The following OPHN1 variants were observed in gnomAD, a reference collection of about 807,000 sequenced individuals.
The protein encoded by OPHN1 is oligophrenin 1, also known as oligophrenin-1.
OPHN1 carries 11 observed loss-of-function variants against 60.7 expected under a neutral mutation model. The ratio of observed to expected loss-of-function variants is 0.18; its 90% CI spans 0.11 to 0.30. The LOEUF (loss-of-function observed/expected upper bound fraction) is 0.30. Among genes scored for constraint, OPHN1 ranks in the 10% least tolerant of loss-of-function variants. The probability of loss-of-function intolerance (pLI) is 1.00; values close to 1 mark genes in which losing one functional copy is unlikely to be tolerated. For missense variants in OPHN1, 449 were observed against 611.0 expected (o/e 0.73, Z 2.80); for synonymous variants, 226 against 222.6 (o/e 1.02, Z -0.14).
rs971746600 is a variant in OPHN1, at chrX:68,347,419, G to A, written c.155-48323C>T. 5.4e-5 allele frequency among the ~76,000 whole-genome samples: 6 copies of A among 111,295 alleles called. No homozygotes were observed. In the Admixed American group the frequency reaches 5.8e-4, roughly 11 times the overall value. On this transcript the variant is annotated intron_variant, in intron 2 of 24. Coordinates refer to ENST00000355520, the MANE Select transcript of OPHN1 (RefSeq NM_002547.3). Reference sequence around the variant, plus strand: ...GCAGTATCAAATCTCATGGGCTCAAGCTATCCTCCAATCTCAGCCTCCTGA... The same window carrying A: ...GCAGTATCAAATCTCATGGGCTCAAACTATCCTCCAATCTCAGCCTCCTGA...
In OPHN1 at chrX:68,431,633, A is replaced by G. The variant is rs1019600716; in HGVS notation, c.154+1234T>C. On this transcript the variant is annotated intron_variant, in intron 2 of 24. Coordinates refer to ENST00000355520, the MANE Select transcript of OPHN1 (RefSeq NM_002547.3). ...AGTAGAGACAGGGTTTCACCATGTT[A>G]GCCAGGCTGGTCTCGAACTCCTGAT... Among the ~76,000 whole-genome samples the G allele has an allele frequency of 2.5e-4, 25 of 98,458 alleles. No homozygotes were observed. The East Asian group carries it at 8.0e-3, about 32-fold the overall frequency. 85.5% of individuals were successfully genotyped at this position (98,458 alleles called of 115,157 possible).
At chrX:68,386,903 G>A (rs1420055452) in intron 2 of OPHN1, among the ~76,000 whole-genome samples, 1 of 111,718 alleles carries the variant, frequency 9.0e-6, no homozygotes, top group Middle Eastern at 4.2e-3. Flanking sequence ...ACCAAAGAAG[G>A]AAGGAGAGGG....
rs773508976 is a variant in OPHN1 at position 68,073,240 on chromosome X, T to TGTC, written c.1743_1745dup (p.Thr582dup). ...TCGTGATTGGTTTGTGCCTTCTTGCTGTCACCCGAGGCGGAGGCACTGGCG... is the reference window on the plus strand; with the variant it reads ...TCGTGATTGGTTTGTGCCTTCTTGCTGTCGTCACCCGAGGCGGAGGCACTGGCG... On this transcript the variant is annotated inframe_insertion, in exon 20 of 25. Coordinates refer to ENST00000355520, the MANE Select transcript of OPHN1 (RefSeq NM_002547.3). 3.7e-5 allele frequency: 45 copies of TGTC among 1,211,767 alleles called. 1 individual carries two copies. In the South Asian group the frequency reaches 7.7e-4, roughly 21 times the overall value.
At position 68,159,986 on chromosome X, in the gene OPHN1, G is replaced by A; in HGVS notation, c.1276+32933C>T. ...ATTAATCAAAAGGCACATATTTTCAGACTGGAAAATTAAAAAAAAAAACAA... is the reference window on the plus strand; with the variant it reads ...ATTAATCAAAAGGCACATATTTTCAAACTGGAAAATTAAAAAAAAAAACAA... On this transcript the variant is annotated intron_variant, in intron 15 of 24. Transcript: ENST00000355520. 4.0e-5 allele frequency among the ~76,000 whole-genome samples: 4 copies of A among 100,271 alleles called. 1 individual carries two copies. The Middle Eastern group carries it at 0.015, about 378-fold the overall frequency. 87.1% of individuals were successfully genotyped at this position (100,271 alleles called of 115,157 possible).
intron 5 of OPHN1, among the ~76,000 whole-genome samples, chrX:68,256,104 G>A (rs1232630934): frequency 9.0e-6 from 1 of 111,330 alleles, no homozygotes; most frequent in Non-Finnish European, 1.9e-5. Flanking sequence ...AGATTTTATG[G>A]TCCAGCTTGA....
rs775752043 is a variant in OPHN1, at chrX:68,096,833, G to A, written c.1686+37C>T. 4 of 1,191,874 alleles carry A rather than the reference G, an allele frequency of 3.4e-6. No individual in the cohort carries two copies. In the African/African-American group the frequency reaches 7.0e-5, roughly 21 times the overall value. On this transcript the variant is annotated intron_variant, in intron 19 of 24. Coordinates refer to ENST00000355520, the MANE Select transcript of OPHN1 (RefSeq NM_002547.3). ...AGGCAGTTGGGGGAAAGTGTCACAT[G>A]TTTGGAAGACAGGTAGTGAGAATAG...
chrX:68,206,527 C>T (rs1479447338), intron 10 of OPHN1, 46 bp downstream of exon 10: 3 of 912,959 alleles, frequency 3.3e-6, no homozygotes, highest in Middle Eastern at 2.7e-4. Context: ...TTCTGAGAAA[C>T]AGTCATAGAT....
chrX:68,178,286 T>C (rs1316731773), intron 15 of OPHN1, among the ~76,000 whole-genome samples: 3 of 112,234 alleles, frequency 2.7e-5, no homozygotes, highest in Admixed American at 9.4e-5. Context: ...AGGTGAAATG[T>C]ATACCTCCCC....
intron 15 of OPHN1, among the ~76,000 whole-genome samples, chrX:68,166,371 T>C (rs2077358407): frequency 9.1e-6 from 1 of 109,511 alleles, no homozygotes; most frequent in Non-Finnish European, 1.9e-5. Context: ...CCATCTCTAA[T>C]AAAAATACAG....
chrX:68,369,760 T>G (rs1300841640), intron 2 of OPHN1, among the ~76,000 whole-genome samples: 1 of 108,534 alleles, frequency 9.2e-6, no homozygotes, highest in East Asian at 2.9e-4. Context: ...AAAGAAATAA[T>G]GGCCAAAAAT....
At chrX:68,165,847 A>T (rs1305362836) in intron 15 of OPHN1, among the ~76,000 whole-genome samples, 7 of 112,663 alleles carry the variant, frequency 6.2e-5, no homozygotes, top group Non-Finnish European at 1.3e-4. Context: ...AAGATGGTGT[A>T]AACCAGGCAT....
intron 6 of OPHN1, among the ~76,000 whole-genome samples, chrX:68,215,730 G>A (rs2147487696): frequency 9.0e-6 from 1 of 111,447 alleles, no homozygotes; most frequent in South Asian, 3.7e-4. Flanking sequence ...ATTTGAAGGT[G>A]TTGAAAGAAA....
chrX:68,187,870 G>A (rs996160013), intron 15 of OPHN1, among the ~76,000 whole-genome samples: 20 of 111,826 alleles, frequency 1.8e-4, no homozygotes, highest in East Asian at 5.6e-4. Flanking sequence ...CTCGTGATCC[G>A]CCCGCCTTGG....
rs1262487192 is a variant in OPHN1 at position 68,096,790 on chromosome X, G to C, written c.1686+80C>G. On this transcript the variant is annotated intron_variant, in intron 19 of 24. Transcript: ENST00000355520. The stretch of plus-strand genomic sequence containing the variant: ...TTTCACTGTCAACGTGAGCCAAGGA[G>C]GAAGACACAGCACTAAAAGGCAGTT... The C allele has an allele frequency of 6.0e-6, 6 of 1,001,825 alleles. No homozygotes were observed. The African/African-American group carries it at 1.1e-4, about 19-fold the overall frequency. 82.6% of individuals were successfully genotyped at this position (1,001,825 alleles called of 1,213,427 possible).
intron 23 of OPHN1, 146 bp downstream of exon 23, chrX:68,052,392 GAC>G (rs2076855769): frequency 1.8e-6 from 1 of 546,411 alleles, no homozygotes; most frequent in Non-Finnish European, 3.2e-6. Context: ...GGGATGGAGA[GAC>G]AGAATTGGGG....
At position 68,306,644 on chromosome X, in the gene OPHN1, G is replaced by C. The variant is rs182274467; in HGVS notation, c.155-7548C>G. On this transcript the variant is annotated intron_variant, in intron 2 of 24. Coordinates refer to ENST00000355520, the MANE Select transcript of OPHN1 (RefSeq NM_002547.3). ...CAAATGAATGTATGACTTTAAAAGA[G>C]TAAATCAACTTTTTAATTTCTAAAG... Among the ~76,000 whole-genome samples the C allele has an allele frequency of 6.0e-4, 68 of 112,437 alleles. 1 individual carries two copies. In the East Asian group the frequency reaches 0.016, roughly 27 times the overall value.
At chrX:68,326,008 GGC>G (rs1460439130) in intron 2 of OPHN1, among the ~76,000 whole-genome samples, 3 of 7,709 alleles carry the variant, frequency 3.9e-4, no homozygotes, top group Non-Finnish European at 5.3e-4. Flanking sequence ...TGCGATTGCA[GGC>G]GCGCGCCGCC....
intron 2 of OPHN1, among the ~76,000 whole-genome samples, chrX:68,331,441 A>C (rs902783026): frequency 4.5e-5 from 5 of 109,997 alleles, no homozygotes; most frequent in Admixed American, 4.0e-4. Context: ...AGAAAATGAG[A>C]TCGATCTGGG....
chrX:68,077,269 T>C (rs2076957045), intron 19 of OPHN1, among the ~76,000 whole-genome samples: 1 of 111,287 alleles, frequency 9.0e-6, no homozygotes, highest in African/African-American at 3.3e-5. Context: ...TTATCCATAT[T>C]GGGGGTCAAT....
Sources: gnomAD v4.1 joint callset for allele counts (sites outside exome capture counted in the v4.1 genomes callset) on GRCh38, gnomAD v4.1.1 for gene constraint, MANE v1.5 for transcripts, NCBI Gene and HGNC (gene_info 2026-07-23, HGNC 2026-07-21) for gene names.